GASK1A: variants seen among roughly 807,000 people sequenced by gnomAD.
GASK1A encodes golgi associated kinase 1A.
GASK1A carries 40 observed loss-of-function variants against 41.2 expected under a neutral mutation model. The ratio of observed to expected loss-of-function variants is 0.97; its 90% CI spans 0.75 to 1.27. The LOEUF (loss-of-function observed/expected upper bound fraction) is 1.27, where lower values mean the gene tolerates loss of function less well. Ranked by LOEUF, GASK1A falls within the 50% of genes most tolerant of loss-of-function variation. GASK1A has a pLI of 0.00. For missense variants in GASK1A, 678 were observed against 745.1 expected, an observed-to-expected ratio of 0.91 and a Z score of 1.05; for synonymous variants, 316 against 307.1, an observed-to-expected ratio of 1.03 and a Z score of -0.30.
At chr3:43,039,824 T>C (rs1349144333) in intron 2 of GASK1A, among the ~76,000 whole-genome samples, 1 of 152,152 alleles carries the variant, frequency 6.6e-6, no homozygotes, top group Admixed American at 6.5e-5. Context: ...TGCTTAGGAT[T>C]ATGGCCTCCA....
Position 43,000,634 on chromosome 3 carries a change from A to T in GASK1A, c.3+20989A>T, listed in dbSNP as rs144891461. Reference sequence around the variant, plus strand: ...TATCTTTGTTACATTCCTCTGTCACATTTCCCAGTAGATGAATAAGATCAA... The same window carrying T: ...TATCTTTGTTACATTCCTCTGTCACTTTTCCCAGTAGATGAATAAGATCAA... On this transcript the variant is annotated intron_variant, in intron 1 of 4. Transcript: ENST00000430121. 1.3e-3 allele frequency among the ~76,000 whole-genome samples: 193 copies of T among 152,376 alleles called. 5 individuals carry two copies. In the East Asian group the frequency reaches 0.036, roughly 28 times the overall value.
At position 43,006,262 on chromosome 3, in the gene GASK1A, G is replaced by A. The variant is rs913604475; in HGVS notation, c.4-26005G>A. Among the ~76,000 whole-genome samples the A allele has an allele frequency of 5.3e-5, 8 of 152,122 alleles. No homozygotes were observed. In the South Asian group the frequency reaches 6.3e-4, roughly 12 times the overall value. Reference sequence around the variant, plus strand: ...GGATCCTCCTTTCCCAGCATCCCACGAGTCTCTTTGCCTCTCTTGTTTTGC... The same window carrying A: ...GGATCCTCCTTTCCCAGCATCCCACAAGTCTCTTTGCCTCTCTTGTTTTGC... On this transcript the variant is annotated intron_variant, in intron 1 of 4. Coordinates refer to ENST00000430121, the MANE Select transcript of GASK1A (RefSeq NM_001129908.3).
intron 1 of GASK1A, among the ~76,000 whole-genome samples, chr3:43,002,643 AC>A (rs2089415039): frequency 6.6e-6 from 1 of 152,246 alleles, no homozygotes; most frequent in Admixed American, 6.5e-5. Context: ...CAAAGATGTT[AC>A]AAAAAAACTA....
At chr3:43,019,923 C>T (rs1439442967) in intron 1 of GASK1A, among the ~76,000 whole-genome samples, 1 of 152,182 alleles carries the variant, frequency 6.6e-6, no homozygotes, top group African/African-American at 2.4e-5. Context: ...ATCTTCCCTG[C>T]CCAGCATGTT....
At chr3:43,039,640 C>T (rs1258525805) in intron 2 of GASK1A, among the ~76,000 whole-genome samples, 3 of 152,092 alleles carry the variant, frequency 2.0e-5, no homozygotes, top group East Asian at 1.9e-4. Flanking sequence ...GCATAGGACT[C>T]GATAGGTAGT....
chr3:42,979,570 G>A lies in GASK1A; in HGVS notation c.-73G>A, dbSNP rs2089269145. On this transcript the variant is annotated 5_prime_UTR_variant, in exon 1 of 5. Transcript: ENST00000430121. The stretch of plus-strand genomic sequence containing the variant: ...CTGGCGAGCCACGGCGCCGGGGGCG[G>A]CCAAGGGGAGGCGGGATGAGTCTGC... 2.4e-6 allele frequency: 3 copies of A among 1,236,408 alleles called. No homozygotes were observed. Among genetic ancestry groups the A allele is most frequent in the East Asian group, 6.3e-5 (2 of 31,668 alleles). The allele number at this position is 1,236,408 out of a possible 1,614,324, so 76.6% of individuals were successfully genotyped here.
chr3:43,040,879 C>CCCG lies in GASK1A; in HGVS notation c.1290+7328_1290+7329insGCC, dbSNP rs1553615988. Among the ~76,000 whole-genome samples, 6 of 121,464 alleles carry CCCG rather than the reference C, an allele frequency of 4.9e-5. No individual in the cohort carries two copies. In the East Asian group the frequency reaches 8.8e-4, roughly 18 times the overall value. 79.7% of individuals were successfully genotyped at this position (121,464 alleles called of 152,430 possible). A position where few individuals can be genotyped will look rare whatever the true frequency, so the allele number is the denominator to read the frequency against. ...GTATATCTCCCAATGCTATCCCTCC[C>CCCG]CCCCGCCACAACAGTCCGCAGAGTG... On this transcript the variant is annotated intron_variant, in intron 2 of 4. Transcript: ENST00000430121.
chr3:42,984,716 A>G lies in GASK1A; in HGVS notation c.3+5071A>G, dbSNP rs2089299743. On this transcript the variant is annotated intron_variant, in intron 1 of 4. Transcript: ENST00000430121. The surrounding 1 kb of genome is among the most constrained non-coding windows in gnomAD (Gnocchi z 4.2). ...AAGCTTAGCTTAGGGGAAGAGGTACAGGCTCCTGCCTTTAAGGGTACCGCT... is the reference window on the plus strand; with the variant it reads ...AAGCTTAGCTTAGGGGAAGAGGTACGGGCTCCTGCCTTTAAGGGTACCGCT... 6.6e-6 allele frequency among the ~76,000 whole-genome samples: 1 copy of G among 152,242 alleles called. No homozygotes were observed. The highest frequency in any genetic ancestry group is 1.5e-5 in the Non-Finnish European group (1 of 68,042).
In GASK1A at chr3:43,032,749, G is replaced by A. The variant is rs528469066; in HGVS notation, c.486G>A (p.Glu162=). 1 of 1,551,342 alleles carries A rather than the reference G, an allele frequency of 6.4e-7. No homozygotes were observed. Among genetic ancestry groups the A allele is most frequent in the African/African-American group, 1.4e-5 (1 of 73,176 alleles). Residue 162 remains glutamate (E), a synonymous_variant, in exon 2 of 5, where the codon GAG becomes GAA. Transcript: ENST00000430121. ...CCCAGCATGGCAGTCCCATCCAGGA[G>A]ACACAGAGTGAGGTGGTCACCCTGG... The part of the protein sequence containing the change: ...GHPQHGSPIQ[E]TQSEVVTLVS...
chr3:42,985,945 A>G (rs1187076639), intron 1 of GASK1A, among the ~76,000 whole-genome samples: 2 of 152,212 alleles, frequency 1.3e-5, no homozygotes, highest in Non-Finnish European at 2.9e-5. Flanking sequence ...AGTTAAACAT[A>G]CACTTACCAT....
At chr3:43,040,485 C>A (rs1355183544) in intron 2 of GASK1A, among the ~76,000 whole-genome samples, 5 of 152,138 alleles carry the variant, frequency 3.3e-5, no homozygotes, top group African/African-American at 1.2e-4. Context: ...CCTTCCCCTT[C>A]CCAGATCCTT....
intron 2 of GASK1A, among the ~76,000 whole-genome samples, chr3:43,043,713 T>G (rs1411271143): frequency 6.6e-6 from 1 of 152,164 alleles, no homozygotes; most frequent in Non-Finnish European, 1.5e-5. Flanking sequence ...CTTAACTAAA[T>G]TTAAACAAAA....
chr3:43,006,359 C>G (rs551879911), intron 1 of GASK1A, among the ~76,000 whole-genome samples: 1 of 152,246 alleles, frequency 6.6e-6, no homozygotes, highest in South Asian at 2.1e-4. Flanking sequence ...GTAATTTAAC[C>G]AATAGCTTGT....
At chr3:43,045,298 C>G (rs1043799306) in intron 2 of GASK1A, among the ~76,000 whole-genome samples, 2 of 152,000 alleles carry the variant, frequency 1.3e-5, no homozygotes, top group Non-Finnish European at 2.9e-5. Context: ...GGCAGGGCAG[C>G]CTTCCACCCT....
At chr3:43,022,736 A>G (rs1389874287) in intron 1 of GASK1A, among the ~76,000 whole-genome samples, 1 of 152,240 alleles carries the variant, frequency 6.6e-6, no homozygotes, top group Non-Finnish European at 1.5e-5. Context: ...AGTGGGGCCC[A>G]ACAACTTCCT....
chr3:42,990,589 G>GC (rs1413122036), intron 1 of GASK1A, among the ~76,000 whole-genome samples: 1 of 152,182 alleles, frequency 6.6e-6, no homozygotes, highest in African/African-American at 2.4e-5. Flanking sequence ...TATACCCTAG[G>GC]CCCCTCGGGA....
At chr3:43,038,485 G>A (rs1469148678) in intron 2 of GASK1A, among the ~76,000 whole-genome samples, 2 of 151,690 alleles carry the variant, frequency 1.3e-5, no homozygotes, top group East Asian at 1.9e-4. Flanking sequence ...TAGCCGTTTC[G>A]AATATCAACA....
chr3:43,036,841 C>G (rs923527898), intron 2 of GASK1A, among the ~76,000 whole-genome samples: 3 of 152,124 alleles, frequency 2.0e-5, no homozygotes, highest in South Asian at 2.1e-4. Flanking sequence ...AAGAGAGGAC[C>G]CTGAGCTAGA....
intron 1 of GASK1A, among the ~76,000 whole-genome samples, chr3:43,027,724 C>T (rs1232927159): frequency 2.0e-5 from 3 of 151,758 alleles, no homozygotes; most frequent in African/African-American, 4.8e-5. Flanking sequence ...AAATATACAC[C>T]AAAAGACAAA....
Sources: allele counts gnomAD v4.1 joint callset (sites outside exome capture counted in the v4.1 genomes callset), GRCh38; gene constraint gnomAD v4.1.1; non-coding constraint Gnocchi (gnomAD v3.1); transcripts MANE v1.5; gene names NCBI Gene and HGNC (gene_info 2026-07-23, HGNC 2026-07-21).